SMARCC1: variants seen among roughly 807,000 people sequenced by gnomAD.
The protein encoded by SMARCC1 is SWI/SNF complex subunit SMARCC1.
In SMARCC1, 43 loss-of-function variants were observed where a neutral mutation model predicts 147.4. The observed-to-expected ratio is 0.29, with a 90% CI of 0.23 to 0.38. SMARCC1 has a LOEUF of 0.38. Among genes scored for constraint, SMARCC1 ranks in the 10% least tolerant of loss-of-function variants. The pLI is 1.00. For missense variants in SMARCC1, 1,119 were observed against 1,381.1 expected, an observed-to-expected ratio of 0.81 and a Z score of 3.01; for synonymous variants, 495 against 484.4, an observed-to-expected ratio of 1.02 and a Z score of -0.29.
intron 3 of SMARCC1, among the ~76,000 whole-genome samples, chr3:47,743,322 G>A (rs537684259): frequency 4.6e-5 from 7 of 152,156 alleles, no homozygotes; most frequent in Admixed American, 2.6e-4. Flanking sequence ...AATAATTCTG[G>A]CACAATCTGC....
At chr3:47,774,522 G>C (rs375006897) in intron 1 of SMARCC1, among the ~76,000 whole-genome samples, 1 of 151,902 alleles carries the variant, frequency 6.6e-6, no homozygotes, top group Non-Finnish European at 1.5e-5. Context: ...GGTTCACATC[G>C]TTCTCCTGCC....
intron 26 of SMARCC1, among the ~76,000 whole-genome samples, chr3:47,602,546 C>T (rs1328001218): frequency 2.0e-5 from 3 of 152,138 alleles, no homozygotes; most frequent in Non-Finnish European, 4.4e-5. Context: ...AATCTGCCTG[C>T]CTTGGCCTCC....
intron 26 of SMARCC1, among the ~76,000 whole-genome samples, chr3:47,597,165 AAAAG>A (rs2032297727): frequency 6.6e-6 from 1 of 151,448 alleles, no homozygotes; most frequent in African/African-American, 2.4e-5. Flanking sequence ...AAAAAAAAAA[AAAAG>A]AGAGAGAGAT....
rs2032068886 is a variant in SMARCC1, at chr3:47,586,177, A to T, written c.*2032T>A. 2 of 152,298 alleles carry T rather than the reference A, an allele frequency of 1.3e-5. No homozygotes were observed. The highest frequency in any genetic ancestry group is 2.9e-5 in the Non-Finnish European group (2 of 68,048). The allele number at this position is 152,298 out of a possible 1,614,324, so 9.4% of individuals were successfully genotyped here. On this transcript the variant is annotated 3_prime_UTR_variant, in exon 28 of 28. Coordinates refer to ENST00000254480, the MANE Select transcript of SMARCC1 (RefSeq NM_003074.4). ...AGGTATTTTGTAGAATTATTACTAT[A>T]GTAAAAATATTTCCACCTGGATCTT...
chr3:47,646,284 C>A lies in SMARCC1; in HGVS notation c.2321-7504G>T, dbSNP rs542956060. On this transcript the variant is annotated intron_variant, in intron 21 of 27. Transcript: ENST00000254480. ...TATATCTCTTGAAAAAAGAAAAAGT[C>A]TCTCTTTGGTCTAAATTCTGGTCTG... Among the ~76,000 whole-genome samples the A allele has an allele frequency of 2.0e-5, 3 of 152,324 alleles. No homozygotes were observed. The East Asian group carries it at 5.8e-4, about 29-fold the overall frequency.
At chr3:47,606,689 G>T (rs1215992510) in intron 26 of SMARCC1, among the ~76,000 whole-genome samples, 2 of 151,990 alleles carry the variant, frequency 1.3e-5, no homozygotes, top group South Asian at 2.1e-4. Context: ...TTCAGAAACT[G>T]AATTTTTATT....
intron 25 of SMARCC1, among the ~76,000 whole-genome samples, chr3:47,611,508 T>C (rs2032564533): frequency 6.6e-6 from 1 of 152,242 alleles, no homozygotes. Flanking sequence ...CACCTGTTTT[T>C]AATTTGGCTA....
intron 24 of SMARCC1, among the ~76,000 whole-genome samples, chr3:47,632,656 T>A (rs181927825): frequency 2.0e-5 from 3 of 151,690 alleles, no homozygotes; most frequent in African/African-American, 7.3e-5. Flanking sequence ...TACAAAAAAA[T>A]TTAAAGAGGA....
intron 6 of SMARCC1, among the ~76,000 whole-genome samples, chr3:47,723,758 G>A (rs895244516): frequency 4.0e-5 from 6 of 151,756 alleles, no homozygotes; most frequent in African/African-American, 9.7e-5. Context: ...TGCAGCGAGC[G>A]GAGACCACAC....
At chr3:47,594,433 A>G (rs1055080585) in intron 26 of SMARCC1, among the ~76,000 whole-genome samples, 3 of 152,174 alleles carry the variant, frequency 2.0e-5, no homozygotes, top group African/African-American at 4.8e-5. Context: ...GGACCAACTG[A>G]CCATCATTAA....
At chr3:47,729,796 C>T (rs1366145431) in intron 5 of SMARCC1, among the ~76,000 whole-genome samples, 1 of 152,172 alleles carries the variant, frequency 6.6e-6, no homozygotes. Flanking sequence ...TATGTGCAAG[C>T]GTAACACAGA....
intron 25 of SMARCC1, among the ~76,000 whole-genome samples, chr3:47,617,749 T>A (rs544212692): frequency 1.3e-5 from 2 of 152,228 alleles, no homozygotes; most frequent in Non-Finnish European, 2.9e-5. Context: ...CACATTTTGG[T>A]TGGTAAGAGA....
intron 25 of SMARCC1, among the ~76,000 whole-genome samples, chr3:47,617,365 C>T (rs1320386607): frequency 6.6e-6 from 1 of 152,220 alleles, no homozygotes; most frequent in African/African-American, 2.4e-5. Flanking sequence ...GGCTTCCTCA[C>T]ATAGTTTGCC....
intron 23 of SMARCC1, among the ~76,000 whole-genome samples, chr3:47,635,679 T>A (rs1170066985): frequency 6.6e-6 from 1 of 152,236 alleles, no homozygotes; most frequent in East Asian, 1.9e-4. Flanking sequence ...GGAACTCTAG[T>A]GTCTGTAGGA....
At chr3:47,712,823 G>A (rs2034104860) in intron 8 of SMARCC1, among the ~76,000 whole-genome samples, 1 of 152,034 alleles carries the variant, frequency 6.6e-6, no homozygotes, top group African/African-American at 2.4e-5. Flanking sequence ...CTTAACTTGT[G>A]GAGCCTAGTT....
Position 47,635,283 on chromosome 3 carries a change from A to G in SMARCC1, c.2553T>C (p.Asp851=), listed in dbSNP as rs1240526459. ...LTDTCKERES[D]TGKKKVEHEI... ...CATGTTCTACTTTCTTCTTCCCAGT[A>G]TCACTTTCTCTTTCTTTACATGTAT... The change falls in exon 24 of 28, where the codon GAT becomes GAC. Residue 851 remains aspartate (D), a synonymous_variant. Coordinates refer to ENST00000254480, the MANE Select transcript of SMARCC1 (RefSeq NM_003074.4). 6.2e-7 allele frequency: 1 copy of G among 1,609,956 alleles called. No individual in the cohort carries two copies. Among genetic ancestry groups the G allele is most frequent in the South Asian group, 1.1e-5 (1 of 90,976 alleles).
chr3:47,598,147 G>T (rs1238109027), intron 26 of SMARCC1, among the ~76,000 whole-genome samples: 1 of 151,920 alleles, frequency 6.6e-6, no homozygotes, highest in Non-Finnish European at 1.5e-5. Context: ...CACCTGCTAG[G>T]CCATTAATAA....
Position 47,720,746 on chromosome 3 carries a change from A to T in SMARCC1, c.647-11T>A. 6.3e-7 allele frequency: 1 copy of T among 1,591,228 alleles called. No individual in the cohort carries two copies. Among genetic ancestry groups the T allele is most frequent in the South Asian group, 1.1e-5 (1 of 88,356 alleles). ...GTCTCAACCATTCTTCTGGAAGAGAAAAAGAAACAACTTTACTCAAACTGA... is the reference window on the plus strand; with the variant it reads ...GTCTCAACCATTCTTCTGGAAGAGATAAAGAAACAACTTTACTCAAACTGA... On this transcript the variant is annotated splice_polypyrimidine_tract_variant and intron_variant, in intron 6 of 27. Transcript: ENST00000254480.
At chr3:47,618,386 A>G (rs2106680190) in intron 25 of SMARCC1, among the ~76,000 whole-genome samples, 1 of 151,640 alleles carries the variant, frequency 6.6e-6, no homozygotes, top group East Asian at 1.9e-4. Flanking sequence ...TATTTAAAAA[A>G]AAAAAAAAAA....
Sources: gnomAD v4.1 joint callset for allele counts (sites outside exome capture counted in the v4.1 genomes callset) on GRCh38, gnomAD v4.1.1 for gene constraint, MANE v1.5 for transcripts, NCBI Gene and HGNC (gene_info 2026-07-23, HGNC 2026-07-21) for gene names.